MMP11: variants seen among roughly 807,000 people sequenced by gnomAD.
MMP11 encodes matrix metallopeptidase 11.
MMP11 carries 26 observed loss-of-function variants against 49.5 expected under a neutral mutation model. That is an observed-to-expected ratio of 0.52 (90% CI 0.38 to 0.73). The LOEUF (loss-of-function observed/expected upper bound fraction) is 0.73, where lower values mean the gene tolerates loss of function less well. Among genes scored for constraint, MMP11 ranks in the 30% least tolerant of loss-of-function variants. MMP11 has a pLI of 0.00. For missense variants in MMP11, 624 were observed against 671.2 expected (o/e 0.93, Z 0.78); for synonymous variants, 265 against 282.3 (o/e 0.94, Z 0.62).
chr22:23,782,427 C>A lies in MMP11; in HGVS notation c.1277C>A (p.Ala426Asp). 1 of 1,613,692 alleles carries A rather than the reference C, an allele frequency of 6.2e-7. No homozygotes were observed. The highest frequency in any genetic ancestry group is 8.5e-7 in the Non-Finnish European group (1 of 1,179,958). Residue 426 changes from alanine (A) to aspartate (D), a missense_variant, in exon 7 of 8, where the codon GCC (alanine) becomes GAC (aspartate). Coordinates refer to ENST00000215743, the MANE Select transcript of MMP11 (RefSeq NM_005940.5). ...RRVDSPVPRR[A>D]TDWRGVPSEI... Reference sequence around the variant, plus strand: ...GTAGACAGTCCCGTGCCCCGCAGGGCCACTGACTGGAGAGGGGTGCCCTCT... The same window carrying A: ...GTAGACAGTCCCGTGCCCCGCAGGGACACTGACTGGAGAGGGGTGCCCTCT...
Position 23,772,879 on chromosome 22 carries a change from G to C in MMP11, c.9G>C (p.Pro3=), listed in dbSNP as rs1048709829. 3.5e-6 allele frequency: 4 copies of C among 1,159,402 alleles called. No individual in the cohort carries two copies. The highest frequency in any genetic ancestry group is 4.2e-6 in the Non-Finnish European group (4 of 942,014). The allele number at this position is 1,159,402 out of a possible 1,614,324, so 71.8% of individuals were successfully genotyped here. The change falls in exon 1 of 8, where the codon CCG becomes CCC. Residue 3 remains proline, a synonymous_variant. Coordinates refer to ENST00000215743, the MANE Select transcript of MMP11 (RefSeq NM_005940.5). ...CAGCAGCCCCGGGGCGGATGGCTCC[G>C]GCCGCCTGGCTCCGCAGCGCGGCCG... MA[P]AAWLRSAAAR... is the part of the protein sequence containing the mutation.
Position 23,780,090 on chromosome 22 carries a change from G to T in MMP11, c.339-269G>T. 1 of 522,072 alleles carries T rather than the reference G, an allele frequency of 1.9e-6. No homozygotes were observed. The highest frequency in any genetic ancestry group is 2.5e-5 in the South Asian group (1 of 40,588). 32.3% of individuals were successfully genotyped at this position (522,072 alleles called of 1,614,324 possible). A position where few individuals can be genotyped will look rare whatever the true frequency, so the allele number is the denominator to read the frequency against. On this transcript the variant is annotated intron_variant, in intron 2 of 7. Transcript: ENST00000215743. The surrounding 1 kb of genome is among the most constrained non-coding windows in gnomAD (Gnocchi z 4.6). ...AGGTGTCCCCACAGTAAGTGGCACT[G>T]TCAGGTCTAGGATGGGGGTCTCGGG... is the stretch of plus-strand genomic sequence containing the variant.
intron 1 of MMP11, among the ~76,000 whole-genome samples, chr22:23,774,032 C>G (rs1049921242): frequency 6.6e-6 from 1 of 152,222 alleles, no homozygotes; most frequent in African/African-American, 2.4e-5. Flanking sequence ...AGTCTTGCCT[C>G]CTTCCCAGCC....
In MMP11 at chr22:23,783,424, C is replaced by T. The variant is rs1378008062; in HGVS notation, c.1347C>T (p.Phe449=). 3 of 1,614,100 alleles carry T rather than the reference C, an allele frequency of 1.9e-6. No individual in the cohort carries two copies. The East Asian group carries it at 6.7e-5, about 36-fold the overall frequency. Residue 449 remains phenylalanine, a synonymous_variant, in exon 8 of 8, where the codon TTC becomes TTT. Transcript: ENST00000215743. ...AFQDADGYAY[F]LRGRLYWKFD... ...TTCTCTTCTCAGGCTATGCCTACTT[C>T]CTGCGCGGCCGCCTCTACTGGAAGT... is the stretch of plus-strand genomic sequence containing the variant.
chr22:23,775,047 C>G (rs1927363124), intron 1 of MMP11, among the ~76,000 whole-genome samples: 1 of 152,186 alleles, frequency 6.6e-6, no homozygotes, highest in Admixed American at 6.5e-5. Context: ...ACAGGGCAGG[C>G]CAAGGGAGGC....
At position 23,782,284 on chromosome 22, in the gene MMP11, C is replaced by A. The variant is rs28382569; in HGVS notation, c.1134C>A (p.Thr378=). 2.4e-3 allele frequency: 3,859 copies of A among 1,613,812 alleles called. 55 individuals are homozygous for A. In the African/African-American group the frequency reaches 0.038, roughly 16 times the overall value. Residue 378 remains threonine (T), a synonymous_variant, in exon 7 of 8, where the codon ACC becomes ACA. Transcript: ENST00000215743. ...EKPVLGPAPL[T]ELGLVRFPVH... is the part of the protein sequence containing the mutation. ...CAGTCCTGGGCCCCGCACCCCTCAC[C>A]GAGCTGGGCCTGGTGAGGTTCCCGG...
Position 23,782,368 on chromosome 22 carries a change from G to C in MMP11, c.1218G>C (p.Arg406Ser), listed in dbSNP as rs749860042. ...EKNKIYFFRGRDYWRFHPSTR... is the reference protein window; with the variant it reads ...EKNKIYFFRGSDYWRFHPSTR... ...ACAAGATCTACTTCTTCCGAGGCAG[G>C]GACTACTGGCGTTTCCACCCCAGCA... Residue 406 changes from arginine to serine, a missense_variant, in exon 7 of 8, where the codon AGG becomes AGC. Arg to Ser is a moderately radical substitution (Grantham distance 110). Transcript: ENST00000215743. 8 of 1,614,020 alleles carry C rather than the reference G, an allele frequency of 5.0e-6. 1 individual carries two copies. Among genetic ancestry groups the C allele is most frequent in the Non-Finnish European group, 6.8e-6 (8 of 1,180,024 alleles).
In MMP11 at chr22:23,772,922, C is replaced by G. The variant is rs1927283191; in HGVS notation, c.52C>G (p.Pro18Ala). Reference sequence around the variant, plus strand: ...CGCGGCCGCGCGCGCCCTCCTGCCCCCGATGCTGCTGCTGCTGCTCCAGCC... The same window carrying G: ...CGCGGCCGCGCGCGCCCTCCTGCCCGCGATGCTGCTGCTGCTGCTCCAGCC... Reference protein sequence around the residue: ...RSAAARALLPPMLLLLLQPPP... With the variant: ...RSAAARALLPAMLLLLLQPPP... The change falls in exon 1 of 8, where the codon CCG (proline) becomes GCG (alanine). Residue 18 changes from proline to alanine, a missense_variant. Transcript: ENST00000215743. 1.7e-6 allele frequency: 2 copies of G among 1,208,140 alleles called. No individual in the cohort carries two copies. Among genetic ancestry groups the G allele is most frequent in the Admixed American group, 4.0e-5 (1 of 25,278 alleles). 74.8% of individuals were successfully genotyped at this position (1,208,140 alleles called of 1,614,324 possible). A position where few individuals can be genotyped will look rare whatever the true frequency, so the allele number is the denominator to read the frequency against.
rs780066934 is a variant in MMP11 at position 23,781,218 on chromosome 22, A to G, written c.884A>G (p.Glu295Gly). The change falls in exon 6 of 8, where the codon GAG becomes GGG. Residue 295 changes from glutamate to glycine, a missense_variant. Transcript: ENST00000215743. ...LEPDAPPDAC[E>G]ASFDAVSTIR... is the part of the protein sequence containing the mutation. ...CCAGACGCCCCGCCAGATGCCTGTG[A>G]GGCCTCCTTTGACGCGGTCTCCACC... 4 of 1,611,638 alleles carry G rather than the reference A, an allele frequency of 2.5e-6. 1 individual carries two copies. In the Admixed American group the frequency reaches 6.7e-5, roughly 27 times the overall value.
intron 7 of MMP11, chr22:23,782,744 A>T (rs962871865): frequency 1.1e-5 from 6 of 558,456 alleles, no homozygotes; most frequent in Non-Finnish European, 1.9e-5. Context: ...ACTGCTGTAC[A>T]CTGAGGGCCA....
chr22:23,779,505 C>A, intron 2 of MMP11, 89 bp downstream of exon 2: 2 of 1,159,534 alleles, frequency 1.7e-6, no homozygotes, highest in Non-Finnish European at 2.5e-6. Context: ...GAGACACAGG[C>A]CAGGGTAGAT....
Position 23,780,541 on chromosome 22 carries a change from G to A in MMP11, c.482+39G>A, listed in dbSNP as rs375484929. On this transcript the variant is annotated intron_variant, in intron 3 of 7. Transcript: ENST00000215743. The surrounding 1 kb of genome is among the most constrained non-coding windows in gnomAD (Gnocchi z 4.6). Reference sequence around the variant, plus strand: ...CTGGGACCCCTCCGGGAACAGCCTCGCCTGCCAGCAGCCACTGACCCCGCC... The same window carrying A: ...CTGGGACCCCTCCGGGAACAGCCTCACCTGCCAGCAGCCACTGACCCCGCC... 1.2e-5 allele frequency: 19 copies of A among 1,612,082 alleles called. No individual in the cohort carries two copies. The highest frequency in any genetic ancestry group is 1.7e-4 in the Middle Eastern group (1 of 6,056).
rs767753996 is a variant in MMP11 at position 23,780,155 on chromosome 22, G to T, written c.339-204G>T. ...TTCTTTCCACTGAATTCAGACACTTGTATTTGCCTAAGTATGAGCAAACCA... is the reference window on the plus strand; with the variant it reads ...TTCTTTCCACTGAATTCAGACACTTTTATTTGCCTAAGTATGAGCAAACCA... On this transcript the variant is annotated intron_variant, in intron 2 of 7. Coordinates refer to ENST00000215743, the MANE Select transcript of MMP11 (RefSeq NM_005940.5). The surrounding 1 kb of genome is among the most constrained non-coding windows in gnomAD (Gnocchi z 4.6). 163 of 628,548 alleles carry T rather than the reference G, an allele frequency of 2.6e-4. No individual in the cohort carries two copies. The highest frequency in any genetic ancestry group is 4.1e-4 in the Non-Finnish European group (150 of 363,972). 38.9% of individuals were successfully genotyped at this position (628,548 alleles called of 1,614,324 possible).
At chr22:23,775,102 T>C (rs1434232405) in intron 1 of MMP11, among the ~76,000 whole-genome samples, 7 of 152,194 alleles carry the variant, frequency 4.6e-5, no homozygotes, top group Non-Finnish European at 1.0e-4. Context: ...GAAATGCTTC[T>C]TGGGAAAGTG....
At chr22:23,781,605 A>T (rs370938787) in intron 6 of MMP11, 196 bp downstream of exon 6, 11 of 631,892 alleles carry the variant, frequency 1.7e-5, no homozygotes, top group African/African-American at 1.1e-4. Flanking sequence ...GGCTCTTGAG[A>T]TAGGAGCAGC....
At chr22:23,783,374 G>A (rs753092342) in intron 7 of MMP11, 37 bp from the exon 8 acceptor site, 23 of 1,609,928 alleles carry the variant, frequency 1.4e-5, no homozygotes, top group Non-Finnish European at 1.8e-5. Flanking sequence ...AGGGCCCAGT[G>A]TCCGCTCGCC....
Position 23,782,227 on chromosome 22 carries a change from T to C in MMP11, c.1077T>C (p.Gly359=). ...CTTGCAGCCTTCCCTCTCCGGCAGG[T>C]GCTCAGTACTGGGTGTACGACGGTG... is the stretch of plus-strand genomic sequence containing the variant. ...DAQGHIWFFQ[G]AQYWVYDGEK... The change falls in exon 7 of 8, where the codon GGT becomes GGC. Residue 359 remains glycine (G), a splice_region_variant and synonymous_variant. Transcript: ENST00000215743. The C allele has an allele frequency of 1.9e-6, 3 of 1,608,996 alleles. No homozygotes were observed. Among genetic ancestry groups the C allele is most frequent in the Non-Finnish European group, 2.5e-6 (3 of 1,176,970 alleles).
At chr22:23,779,845 G>A in intron 2 of MMP11, 1 of 270,820 alleles carries the variant, frequency 3.7e-6, no homozygotes, top group East Asian at 8.7e-5. Context: ...GCTTCGAGCA[G>A]GTGGAGACAG....
chr22:23,779,259 C>G lies in MMP11; in HGVS notation c.181C>G (p.Pro61Ala), dbSNP rs757513177. The change falls in exon 2 of 8, where the codon CCT becomes GCT. Residue 61 changes from proline (P) to alanine (A), a missense_variant. Coordinates refer to ENST00000215743, the MANE Select transcript of MMP11 (RefSeq NM_005940.5). ...TGCAGCCCTGCCCAGTAGCCCGGCA[C>G]CTGCCCCTGCCACGCAGGAAGCCCC... ...WHAALPSSPAPAPATQEAPRP... is the reference protein window; with the variant it reads ...WHAALPSSPAAAPATQEAPRP... The G allele has an allele frequency of 6.2e-7, 1 of 1,609,492 alleles. No homozygotes were observed. The highest frequency in any genetic ancestry group is 1.1e-5 in the South Asian group (1 of 90,306).
Sources: allele counts gnomAD v4.1 joint callset (sites outside exome capture counted in the v4.1 genomes callset), GRCh38; gene constraint gnomAD v4.1.1; non-coding constraint Gnocchi (gnomAD v3.1); transcripts MANE v1.5; gene names NCBI Gene and HGNC (gene_info 2026-07-23, HGNC 2026-07-21).